REG1A: variants seen among roughly 807,000 people sequenced by gnomAD.
REG1A encodes the protein regenerating family member 1 alpha.
REG1A carries 20 observed loss-of-function variants against 20.7 expected under a neutral mutation model. The ratio of observed to expected loss-of-function variants is 0.97; its 90% CI spans 0.68 to 1.41. The LOEUF is 1.41. REG1A is among the 40% of genes most tolerant of loss of function. REG1A has a pLI of 0.00. For synonymous variants in REG1A, 90 were observed against 71.6 expected (o/e 1.26, Z -1.30); for missense variants, 193 against 201.8 (o/e 0.96, Z 0.26).
intron 2 of REG1A, among the ~76,000 whole-genome samples, chr2:79,121,249 G>A (rs55727845): frequency 0.072 from 10,956 of 152,254 alleles, 491 homozygotes; most frequent in Middle Eastern, 0.12. Flanking sequence ...GAACTGAAGA[G>A]AGCCTTGTGT....
chr2:79,120,642 T>C, intron 1 of REG1A, 128 bp downstream of exon 1: 1 of 404,048 alleles, frequency 2.5e-6, no homozygotes, highest in Non-Finnish European at 4.4e-6. Flanking sequence ...GGATCCAAAG[T>C]TGTTTTTCAG....
At chr2:79,123,100 C>G in intron 5 of REG1A, 48 bp from the exon 6 acceptor site, 1 of 1,518,890 alleles carries the variant, frequency 6.6e-7, no homozygotes, top group South Asian at 1.1e-5. Context: ...CCAGGAGGGT[C>G]ATACTCTTTC....
chr2:79,122,416 G>A (rs1404903794), intron 4 of REG1A, among the ~76,000 whole-genome samples: 1 of 152,184 alleles, frequency 6.6e-6, no homozygotes, highest in African/African-American at 2.4e-5. Flanking sequence ...AGAGTCACAA[G>A]AGAGACTAGA....
Position 79,120,510 on chromosome 2 carries a change from A to G in REG1A, c.-51A>G, listed in dbSNP as rs1204989822. On this transcript the variant is annotated 5_prime_UTR_variant, in exon 1 of 6. Transcript: ENST00000233735. ...CTGAGAAGCCAACTCAGACTCAGCC[A>G]ACAGGTAAGTGGGCATTACAGGAGA... 1.4e-5 allele frequency: 3 copies of G among 208,432 alleles called. No individual in the cohort carries two copies. The highest frequency in any genetic ancestry group is 2.8e-5 in the Non-Finnish European group (3 of 105,424). The allele number at this position is 208,432 out of a possible 1,614,324, so 12.9% of individuals were successfully genotyped here.
In REG1A at chr2:79,123,026, A is replaced by T. The variant is rs562017400; in HGVS notation, c.433+74A>T. ...CTCCAGGGATGGAACTGGGACTGGG[A>T]TAGAGGAAAGGTGAACTCCTCATTA... On this transcript the variant is annotated intron_variant, in intron 5 of 5. Transcript: ENST00000233735. 102 of 1,478,970 alleles carry T rather than the reference A, an allele frequency of 6.9e-5. No homozygotes were observed. The Middle Eastern group carries it at 1.4e-3, about 20-fold the overall frequency. 91.6% of individuals were successfully genotyped at this position (1,478,970 alleles called of 1,614,324 possible).
intron 3 of REG1A, 148 bp from the exon 4 acceptor site, chr2:79,121,840 A>T: frequency 7.3e-7 from 1 of 1,361,786 alleles, no homozygotes; most frequent in East Asian, 2.3e-5. Context: ...TATTCAGCAC[A>T]TTCCCAGCAC....
Position 79,122,865 on chromosome 2 carries a change from G to A in REG1A, c.346G>A (p.Gly116Arg), listed in dbSNP as rs1252519432. 1 of 1,613,504 alleles carries A rather than the reference G, an allele frequency of 6.2e-7. No individual in the cohort carries two copies. The highest frequency in any genetic ancestry group is 8.5e-7 in the Non-Finnish European group (1 of 1,179,960). ...GAACCGCCGCTGGCACTGGAGCAGT[G>A]GGTCCCTGGTCTCCTACAAGTCCTG... ...KKNRRWHWSS[G>R]SLVSYKSWGI... Residue 116 changes from glycine (G) to arginine (R), a missense_variant, in exon 5 of 6, where the codon GGG (glycine) becomes AGG (arginine). By Grantham distance (125) the Gly-to-Arg change is moderately radical (BLOSUM62 -2). Transcript: ENST00000233735.
intron 2 of REG1A, among the ~76,000 whole-genome samples, 192 bp downstream of exon 2, chr2:79,121,117 C>A (rs768063342): frequency 2.6e-5 from 4 of 152,022 alleles, no homozygotes; most frequent in Non-Finnish European, 5.9e-5. Context: ...GGAGTTGGAG[C>A]TAGAATTTAA....
chr2:79,121,339 G>T (rs946821194), intron 2 of REG1A, among the ~76,000 whole-genome samples: 8 of 152,178 alleles, frequency 5.3e-5, no homozygotes, highest in African/African-American at 1.4e-4. Context: ...AGACATAAAA[G>T]GGAAACTGGA....
chr2:79,121,564 C>G lies in REG1A; in HGVS notation c.67C>G (p.Gln23Glu). Residue 23 changes from glutamine (Q) to glutamate (E), a missense_variant and splice_region_variant, in exon 3 of 6, where the codon CAA becomes GAA. Transcript: ENST00000233735. ...TTTAATTGTCTCTTCTTTTTCAGGC[C>G]AAGAGGCCCAGACAGAGTTGCCCCA... is the stretch of plus-strand genomic sequence containing the variant. ...CLMFLSQSQG[Q>E]EAQTELPQAR... 1 of 1,613,540 alleles carries G rather than the reference C, an allele frequency of 6.2e-7. No individual in the cohort carries two copies. The highest frequency in any genetic ancestry group is 8.5e-7 in the Non-Finnish European group (1 of 1,179,558).
In REG1A at chr2:79,123,292, C is replaced by T; in HGVS notation, c.*77C>T. Reference sequence around the variant, plus strand: ...CAAAAATTAAACCGGACCATCTCTCCAACTCAACTCAACCTGGACACTCTC... The same window carrying T: ...CAAAAATTAAACCGGACCATCTCTCTAACTCAACTCAACCTGGACACTCTC... On this transcript the variant is annotated 3_prime_UTR_variant, in exon 6 of 6. Coordinates refer to ENST00000233735, the MANE Select transcript of REG1A (RefSeq NM_002909.5). The T allele has an allele frequency of 1.2e-6, 1 of 852,400 alleles. No individual in the cohort carries two copies. Among genetic ancestry groups the T allele is most frequent in the East Asian group, 2.6e-5 (1 of 39,192 alleles). 52.8% of individuals were successfully genotyped at this position (852,400 alleles called of 1,614,324 possible).
rs747924487 is a variant in REG1A at position 79,122,089 on chromosome 2, C to T, written c.285C>T (p.Asp95=). The T allele has an allele frequency of 5.6e-6, 9 of 1,613,958 alleles. No homozygotes were observed. The highest frequency in any genetic ancestry group is 6.8e-6 in the Non-Finnish European group (8 of 1,179,992). The change falls in exon 4 of 6, where the codon GAC becomes GAT. Residue 95 remains aspartate (D), a synonymous_variant. Coordinates refer to ENST00000233735, the MANE Select transcript of REG1A (RefSeq NM_002909.5). ...TGATTAAGGAGAGTGGCACTGATGA[C>T]TTCAATGTCTGGATTGGCCTCCATG... ...ASLIKESGTD[D]FNVWIGLHDP... is the part of the protein sequence containing the mutation.
In REG1A at chr2:79,123,262, G is replaced by C; in HGVS notation, c.*47G>C. On this transcript the variant is annotated 3_prime_UTR_variant, in exon 6 of 6. Coordinates refer to ENST00000233735, the MANE Select transcript of REG1A (RefSeq NM_002909.5). The stretch of plus-strand genomic sequence containing the variant: ...CTAGAACTGATCCAGCAATTACAAC[G>C]GAGTCAAAAATTAAACCGGACCATC... 1 of 1,283,740 alleles carries C rather than the reference G, an allele frequency of 7.8e-7. No homozygotes were observed. 79.5% of individuals were successfully genotyped at this position (1,283,740 alleles called of 1,614,324 possible).
At chr2:79,121,486 C>G in intron 2 of REG1A, 76 bp from the exon 3 acceptor site, 1 of 1,150,518 alleles carries the variant, frequency 8.7e-7, no homozygotes, top group East Asian at 2.3e-5. Context: ...TATAAAGGAA[C>G]CTCAGAAGCT....
Position 79,121,474 on chromosome 2 carries a change from T to G in REG1A, c.65-88T>G, listed in dbSNP as rs958610083. On this transcript the variant is annotated intron_variant, in intron 2 of 5. Transcript: ENST00000233735. Reference sequence around the variant, plus strand: ...CCATAATAGACTGGATTCTTCTGTTTCTATAAAGGAACCTCAGAAGCTCTT... The same window carrying G: ...CCATAATAGACTGGATTCTTCTGTTGCTATAAAGGAACCTCAGAAGCTCTT... 4.5e-5 allele frequency: 46 copies of G among 1,012,190 alleles called. No individual in the cohort carries two copies. The African/African-American group carries it at 7.0e-4, about 15-fold the overall frequency. 62.7% of individuals were successfully genotyped at this position (1,012,190 alleles called of 1,614,324 possible).
At chr2:79,120,955 T>C in intron 2 of REG1A, 30 bp downstream of exon 2, 1 of 1,596,576 alleles carries the variant, frequency 6.3e-7, no homozygotes, top group Non-Finnish European at 8.6e-7. Context: ...AACCAACTCT[T>C]TCTAGCCCTG....
rs1672917427 is a variant in REG1A at position 79,123,403 on chromosome 2, T to C, written c.*188T>C. ...CCTAAATAATAAAAATAAACATGTT[T>C]CCACTATTGTGCTGTCTTACTGTGT... On this transcript the variant is annotated 3_prime_UTR_variant, in exon 6 of 6. Coordinates refer to ENST00000233735, the MANE Select transcript of REG1A (RefSeq NM_002909.5). 1 of 523,816 alleles carries C rather than the reference T, an allele frequency of 1.9e-6. No individual in the cohort carries two copies. The highest frequency in any genetic ancestry group is 2.8e-5 in the South Asian group (1 of 36,292). The allele number at this position is 523,816 out of a possible 1,614,324, so 32.4% of individuals were successfully genotyped here. A position where few individuals can be genotyped will look rare whatever the true frequency, so the allele number is the denominator to read the frequency against.
At chr2:79,121,750 T>C in intron 3 of REG1A, 70 bp downstream of exon 3, 1 of 1,453,160 alleles carries the variant, frequency 6.9e-7, no homozygotes, top group Non-Finnish European at 9.7e-7. Context: ...TCCAGTGTGT[T>C]CAGTGGCTGC....
chr2:79,122,325 G>A (rs1165639466), intron 4 of REG1A, 200 bp downstream of exon 4: 3 of 551,120 alleles, frequency 5.4e-6, no homozygotes, highest in Non-Finnish European at 9.4e-6. Flanking sequence ...AGGTGTTCTT[G>A]TCATTCATGA....
Sources: allele counts gnomAD v4.1 joint callset (sites outside exome capture counted in the v4.1 genomes callset), GRCh38; gene constraint gnomAD v4.1.1; transcripts MANE v1.5; gene names NCBI Gene and HGNC (gene_info 2026-07-23, HGNC 2026-07-21).